NECAB1: variants seen among roughly 807,000 people sequenced by gnomAD.
The protein encoded by NECAB1 is N-terminal EF-hand calcium binding protein 1.
In NECAB1, 29 loss-of-function variants were observed where a neutral mutation model predicts 57.5. The ratio of observed to expected loss-of-function variants is 0.50; its 90% confidence interval spans 0.38 to 0.69. The LOEUF is 0.69. Ranked by LOEUF, NECAB1 falls within the 30% of genes least tolerant of loss-of-function variation. The pLI is 0.00. For synonymous variants in NECAB1, 142 were observed against 147.7 expected (o/e 0.96, Z 0.28); for missense variants, 372 against 413.8 (o/e 0.90, Z 0.88).
intron 1 of NECAB1, among the ~76,000 whole-genome samples, chr8:90,798,897 T>G (rs1337489530): frequency 6.6e-6 from 1 of 152,220 alleles, no homozygotes; most frequent in African/African-American, 2.4e-5. Context: ...TAGGCTAGAC[T>G]AATTTACATC....
intron 12 of NECAB1, among the ~76,000 whole-genome samples, chr8:90,952,504 C>T (rs187654719): frequency 1.2e-3 from 183 of 152,182 alleles, no homozygotes; most frequent in Middle Eastern, 6.8e-3. Context: ...GAAGGCTGGG[C>T]GCGGTGGCTC....
intron 3 of NECAB1, among the ~76,000 whole-genome samples, chr8:90,833,417 T>A (rs1380406358): frequency 9.9e-5 from 15 of 152,186 alleles, no homozygotes; most frequent in African/African-American, 2.2e-4. Context: ...TCTTTTTTTT[T>A]AATTTTACTT....
chr8:90,955,588 T>A lies in NECAB1; in HGVS notation c.*76T>A, dbSNP rs1190486435. The A allele has an allele frequency of 5.3e-6, 6 of 1,132,006 alleles. No homozygotes were observed. The African/African-American group carries it at 7.9e-5, about 15-fold the overall frequency. The allele number at this position is 1,132,006 out of a possible 1,614,324, so 70.1% of individuals were successfully genotyped here. On this transcript the variant is annotated 3_prime_UTR_variant, in exon 13 of 13. Coordinates refer to ENST00000417640, the MANE Select transcript of NECAB1 (RefSeq NM_022351.5). ...ATCTAAAACGTCAATTAGAAAATTATCTGCGGTTGTTAATCTACTGTATAT... is the reference window on the plus strand; with the variant it reads ...ATCTAAAACGTCAATTAGAAAATTAACTGCGGTTGTTAATCTACTGTATAT...
At chr8:90,827,188 T>G (rs1359045008) in intron 3 of NECAB1, among the ~76,000 whole-genome samples, 2 of 152,006 alleles carry the variant, frequency 1.3e-5, no homozygotes, top group Non-Finnish European at 2.9e-5. Context: ...AATTATTTTC[T>G]CCTTCCACTC....
intron 5 of NECAB1, among the ~76,000 whole-genome samples, chr8:90,897,270 G>T (rs1809379577): frequency 6.6e-6 from 1 of 152,116 alleles, no homozygotes; most frequent in South Asian, 2.1e-4. Context: ...TTCTGAAAAT[G>T]GAATGTTTTG....
At chr8:90,857,577 A>G (rs2129797267) in intron 3 of NECAB1, among the ~76,000 whole-genome samples, 1 of 152,262 alleles carries the variant, frequency 6.6e-6, no homozygotes, top group South Asian at 2.1e-4. Flanking sequence ...TTTCATGTGA[A>G]ACACAGGAAC....
intron 2 of NECAB1, among the ~76,000 whole-genome samples, chr8:90,819,289 T>C (rs1035302954): frequency 6.6e-6 from 1 of 152,010 alleles, no homozygotes; most frequent in Non-Finnish European, 1.5e-5. Flanking sequence ...TTGTGTCATA[T>C]CTGAATCTGG....
intron 2 of NECAB1, among the ~76,000 whole-genome samples, chr8:90,808,938 C>T (rs1811906223): frequency 6.6e-6 from 1 of 152,114 alleles, no homozygotes; most frequent in Non-Finnish European, 1.5e-5. Flanking sequence ...AGCCACCGCG[C>T]CCGGCCTTTT....
At position 90,925,580 on chromosome 8, in the gene NECAB1, A is replaced by C. The variant is rs201953129; in HGVS notation, c.540A>C (p.Gly180=). 6.2e-7 allele frequency: 1 copy of C among 1,613,462 alleles called. No individual in the cohort carries two copies. Among genetic ancestry groups the C allele is most frequent in the East Asian group, 2.2e-5 (1 of 44,826 alleles). ...KPEVLSIQWP[G]KRSSRRVQRH... is the part of the protein sequence containing the mutation. ...AAGTCCTGTCGATTCAATGGCCTGG[A>C]AAACGATCAAGCCGCCGAGTCCAGA... The change falls in exon 7 of 13, where the codon GGA becomes GGC. Residue 180 remains glycine, a synonymous_variant. Coordinates refer to ENST00000417640, the MANE Select transcript of NECAB1 (RefSeq NM_022351.5).
intron 2 of NECAB1, chr8:90,806,376 A>G (rs1420167957): frequency 6.6e-6 from 1 of 152,256 alleles, no homozygotes; most frequent in African/African-American, 2.4e-5. Context: ...CAACACAGAC[A>G]TTCATTAATA....
chr8:90,913,223 T>C (rs1233435910), intron 5 of NECAB1, among the ~76,000 whole-genome samples: 1 of 152,192 alleles, frequency 6.6e-6, no homozygotes, highest in African/African-American at 2.4e-5. Context: ...GGATTTTTAC[T>C]CAAATGAATT....
chr8:90,880,960 A>G, intron 4 of NECAB1, 73 bp from the exon 5 acceptor site: 1 of 1,078,512 alleles, frequency 9.3e-7, no homozygotes, highest in East Asian at 2.6e-5. Flanking sequence ...AGGAGTAAAT[A>G]ATTAGTTGAT....
rs774791255 is a variant in NECAB1, at chr8:90,844,679, G to A, written c.233+19854G>A. The stretch of plus-strand genomic sequence containing the variant: ...AAACAGCATAGATAACACCTGCTCC[G>A]GATTCACCTGAATCTAAGCTCTCTT... On this transcript the variant is annotated intron_variant, in intron 3 of 12. Transcript: ENST00000417640. Among the ~76,000 whole-genome samples the A allele has an allele frequency of 2.6e-5, 4 of 152,054 alleles. No homozygotes were observed. The East Asian group carries it at 5.8e-4, about 22-fold the overall frequency.
chr8:90,832,616 G>GA (rs1327966769), intron 3 of NECAB1, among the ~76,000 whole-genome samples: 1 of 151,988 alleles, frequency 6.6e-6, no homozygotes, highest in Non-Finnish European at 1.5e-5. Flanking sequence ...AATTGAATAG[G>GA]AAAATGCATT....
intron 1 of NECAB1, among the ~76,000 whole-genome samples, chr8:90,800,350 G>T (rs763127754): frequency 2.0e-5 from 3 of 152,252 alleles, no homozygotes; most frequent in African/African-American, 4.8e-5. Context: ...TGTTGAATAG[G>T]AGTGGTGAGA....
chr8:90,852,977 A>C (rs942239800), intron 3 of NECAB1, among the ~76,000 whole-genome samples: 11 of 152,238 alleles, frequency 7.2e-5, no homozygotes, highest in Non-Finnish European at 1.3e-4. Context: ...GAAAAGGCAG[A>C]GGACCCACTG....
chr8:90,852,588 C>A (rs1812705501), intron 3 of NECAB1, among the ~76,000 whole-genome samples: 1 of 152,144 alleles, frequency 6.6e-6, no homozygotes. Context: ...CCACCCTGCC[C>A]TCCATCCTCT....
chr8:90,947,528 G>T (rs1810840435), intron 10 of NECAB1, among the ~76,000 whole-genome samples: 2 of 151,648 alleles, frequency 1.3e-5, no homozygotes, highest in South Asian at 4.2e-4. Context: ...AGCCTCCTGA[G>T]TAGCTGAGAT....
At chr8:90,813,644 A>G in intron 2 of NECAB1, among the ~76,000 whole-genome samples, 1 of 152,110 alleles carries the variant, frequency 6.6e-6, no homozygotes, top group Non-Finnish European at 1.5e-5. Context: ...CCTCCTTGTC[A>G]GCCTATTGAG....
Sources: allele counts gnomAD v4.1 joint callset (sites outside exome capture counted in the v4.1 genomes callset), GRCh38; gene constraint gnomAD v4.1.1; transcripts MANE v1.5; gene names NCBI Gene and HGNC (gene_info 2026-07-23, HGNC 2026-07-21).